ZMYND8: variants seen among roughly 807,000 people sequenced by gnomAD.
ZMYND8 encodes the protein zinc finger MYND-type containing 8.
A neutral mutation model predicts 140.8 loss-of-function variants in ZMYND8; 37 were observed. The ratio of observed to expected loss-of-function variants is 0.26; its 90% CI spans 0.20 to 0.35. ZMYND8 has a LOEUF of 0.35. Ranked by LOEUF, ZMYND8 falls within the 10% of genes least tolerant of loss-of-function variation. The pLI is 1.00. For missense variants in ZMYND8, 1,068 were observed against 1,570.0 expected, an observed-to-expected ratio of 0.68 and a Z score of 5.40; for synonymous variants, 592 against 597.1, an observed-to-expected ratio of 0.99 and a Z score of 0.12.
rs1310179026 is a variant in ZMYND8, at chr20:47,245,988, A to T, written c.2284+20T>A. The stretch of plus-strand genomic sequence containing the variant: ...TTCTAAACCAAATTAAGAAAACTGG[A>T]AACAGATACAATCACTTACCATCCT... On this transcript the variant is annotated intron_variant, in intron 14 of 22. Transcript: ENST00000471951. 2 of 1,552,624 alleles carry T rather than the reference A, an allele frequency of 1.3e-6. No homozygotes were observed. Among genetic ancestry groups the T allele is most frequent in the Non-Finnish European group, 1.7e-6 (2 of 1,154,992 alleles).
chr20:47,250,098 T>C (rs2074048040), intron 12 of ZMYND8, among the ~76,000 whole-genome samples: 2 of 152,056 alleles, frequency 1.3e-5, no homozygotes, highest in African/African-American at 2.4e-5. Context: ...GTCTAACAGG[T>C]CTCGCTCAAG....
intron 10 of ZMYND8, among the ~76,000 whole-genome samples, chr20:47,278,685 G>A (rs559787002): frequency 1.3e-5 from 2 of 152,028 alleles, no homozygotes; most frequent in African/African-American, 2.4e-5. Context: ...TCTATCAGAG[G>A]GCTGGAAATC....
At chr20:47,336,813 TGA>T (rs2081419915) in intron 2 of ZMYND8, among the ~76,000 whole-genome samples, 1 of 152,190 alleles carries the variant, frequency 6.6e-6, no homozygotes, top group Non-Finnish European at 1.5e-5. Context: ...CCACAGCGGA[TGA>T]GCCATATTCC....
chr20:47,282,610 A>C (rs13038482), intron 9 of ZMYND8, among the ~76,000 whole-genome samples: 31,593 of 151,920 alleles, frequency 0.21, 3,723 homozygotes, highest in African/African-American at 0.33. Context: ...CTGTAGTCCC[A>C]GTTACTCAAG....
chr20:47,240,149 T>C (rs570137252), intron 14 of ZMYND8, among the ~76,000 whole-genome samples: 1 of 152,220 alleles, frequency 6.6e-6, no homozygotes, highest in South Asian at 2.1e-4. Flanking sequence ...GAGGCGGAAG[T>C]TGCAGTGAGC....
intron 10 of ZMYND8, among the ~76,000 whole-genome samples, chr20:47,277,827 C>T (rs1171221415): frequency 2.0e-5 from 3 of 152,026 alleles, no homozygotes; most frequent in Non-Finnish European, 2.9e-5. Context: ...TGTGCCACCA[C>T]GCCCAGCTAA....
In ZMYND8 at chr20:47,238,531, A is replaced by G. The variant is rs1298574019; in HGVS notation, c.2665+227T>C. ...CCCCCTTTTTAAGGAGAATATATGC[A>G]TGTATCATTTATAAAATGAACAAAA... On this transcript the variant is annotated intron_variant, in intron 15 of 22. Transcript: ENST00000471951. 13 of 724,040 alleles carry G rather than the reference A, an allele frequency of 1.8e-5. No individual in the cohort carries two copies. In the East Asian group the frequency reaches 3.6e-4, roughly 20 times the overall value. The allele number at this position is 724,040 out of a possible 1,614,324, so 44.9% of individuals were successfully genotyped here. A position where few individuals can be genotyped will look rare whatever the true frequency, so the allele number is the denominator to read the frequency against.
rs76596105 is a variant in ZMYND8 at position 47,269,186 on chromosome 20, G to A, written c.1481-6758C>T. On this transcript the variant is annotated intron_variant, in intron 11 of 22. Transcript: ENST00000471951. ...TGCACTCCAGCCTGGGCAACAGAGT[G>A]GGACTCCATCTCAAAAAAAATAAAT... 3.3e-5 allele frequency among the ~76,000 whole-genome samples: 5 copies of A among 152,230 alleles called. No individual in the cohort carries two copies. In the East Asian group the frequency reaches 9.6e-4, roughly 29 times the overall value.
chr20:47,246,570 G>C, intron 13 of ZMYND8, 53 bp from the exon 14 acceptor site: 1 of 1,516,424 alleles, frequency 6.6e-7, no homozygotes, highest in African/African-American at 1.4e-5. Context: ...ATAAAGAGCA[G>C]GATGAAAAAT....
chr20:47,309,041 T>A (rs6012153), intron 3 of ZMYND8, among the ~76,000 whole-genome samples: 1 of 152,180 alleles, frequency 6.6e-6, no homozygotes, highest in African/African-American at 2.4e-5. Context: ...GGGGGATAGA[T>A]ACAATCCACC....
intron 16 of ZMYND8, among the ~76,000 whole-genome samples, chr20:47,232,370 A>AATAAATAAATAAATACC (rs2038617415): frequency 1.4e-5 from 2 of 148,068 alleles, no homozygotes; most frequent in African/African-American, 4.9e-5. Flanking sequence ...TTGTCTCAAA[A>AATAAATAAATAAATACC]ATAAATAAAT....
intron 3 of ZMYND8, among the ~76,000 whole-genome samples, chr20:47,307,479 A>AATAG (rs2078582211): frequency 6.6e-6 from 1 of 151,980 alleles, no homozygotes; most frequent in Admixed American, 6.6e-5. Context: ...TAAATAAATA[A>AATAG]ATAAAGGGAC....
At chr20:47,227,783 T>G (rs1256474243) in intron 17 of ZMYND8, among the ~76,000 whole-genome samples, 1 of 152,194 alleles carries the variant, frequency 6.6e-6, no homozygotes, top group African/African-American at 2.4e-5. Context: ...CGACCTGATC[T>G]GATAGGAAAC....
At chr20:47,355,384 A>G (rs1229369532) in intron 1 of ZMYND8, 3 of 957,080 alleles carry the variant, frequency 3.1e-6, no homozygotes, top group Non-Finnish European at 3.7e-6. Context: ...ACTATTACAA[A>G]CAGACCCCAA....
intron 2 of ZMYND8, among the ~76,000 whole-genome samples, chr20:47,346,320 C>G (rs2082330363): frequency 6.6e-6 from 1 of 152,164 alleles, no homozygotes; most frequent in South Asian, 2.1e-4. Context: ...AGGTACCTTC[C>G]TTGCTCTGAA....
intron 15 of ZMYND8, 199 bp downstream of exon 15, chr20:47,238,559 A>T (rs569688613): frequency 1.0e-6 from 1 of 973,592 alleles, no homozygotes; most frequent in African/African-American, 1.7e-5. Flanking sequence ...GAACAAAAAA[A>T]ACTTTTTGAA....
intron 11 of ZMYND8, among the ~76,000 whole-genome samples, chr20:47,263,617 A>G (rs1209551885): frequency 1.3e-5 from 2 of 152,204 alleles, no homozygotes; most frequent in African/African-American, 4.8e-5. Flanking sequence ...GCCTGGATTC[A>G]AGCACAGATT....
At chr20:47,330,709 T>A (rs1296145195) in intron 2 of ZMYND8, among the ~76,000 whole-genome samples, 2 of 152,142 alleles carry the variant, frequency 1.3e-5, no homozygotes, top group Admixed American at 6.6e-5. Context: ...ACACTTGAGC[T>A]GGGTAATAAT....
chr20:47,353,241 TG>T (rs2148642984), intron 1 of ZMYND8: 1 of 152,222 alleles, frequency 6.6e-6, no homozygotes, highest in South Asian at 2.1e-4. Flanking sequence ...GTCTCCCCAC[TG>T]GTTCTCCCAG....
Sources: gnomAD v4.1 joint callset for allele counts (sites outside exome capture counted in the v4.1 genomes callset) on GRCh38, gnomAD v4.1.1 for gene constraint, MANE v1.5 for transcripts, NCBI Gene and HGNC (gene_info 2026-07-23, HGNC 2026-07-21) for gene names.